The following CNTN3 variants were observed in gnomAD, a reference collection of about 807,000 sequenced individuals.
CNTN3 encodes the protein contactin 3, also known as contactin-3.
In CNTN3, 60 loss-of-function variants were observed where a neutral mutation model predicts 119.1. The observed-to-expected ratio is 0.50, with a 90% CI of 0.41 to 0.62. The LOEUF (loss-of-function observed/expected upper bound fraction) is 0.62, where lower values mean the gene tolerates loss of function less well. Ranked by LOEUF, CNTN3 falls within the 20% of genes least tolerant of loss-of-function variation. CNTN3 has a pLI of 0.00. For synonymous variants in CNTN3, 450 were observed against 438.7 expected, an observed-to-expected ratio of 1.03 and a Z score of -0.32; for missense variants, 1,101 against 1,242.4, an observed-to-expected ratio of 0.89 and a Z score of 1.71.
intron 8 of CNTN3, among the ~76,000 whole-genome samples, chr3:74,368,627 A>G (rs151080836): frequency 1.4e-3 from 219 of 152,238 alleles, no homozygotes; most frequent in African/African-American, 5.0e-3. Context: ...TGACATTATT[A>G]TTCCTTCCTT....
At position 74,487,897 on chromosome 3, in the gene CNTN3, G is replaced by T. The variant is rs537732062; in HGVS notation, c.183-1266C>A. Among the ~76,000 whole-genome samples the T allele has an allele frequency of 2.0e-5, 3 of 151,646 alleles. No homozygotes were observed. The East Asian group carries it at 5.8e-4, about 29-fold the overall frequency. On this transcript the variant is annotated intron_variant, in intron 3 of 22. Coordinates refer to ENST00000263665, the MANE Select transcript of CNTN3 (RefSeq NM_020872.3). The stretch of plus-strand genomic sequence containing the variant: ...TTCAGTTAGATACCATTTATGTGAA[G>T]TTTTAAAATACAGTTGACGTTTATA...
chr3:74,369,435 A>G, intron 7 of CNTN3, 62 bp from the exon 8 acceptor site: 1 of 1,362,344 alleles, frequency 7.3e-7, no homozygotes, highest in Non-Finnish European at 9.9e-7. Flanking sequence ...TTGAGAAAAT[A>G]AAGCTTTTAA....
At chr3:74,472,245 C>T (rs1303616706) in intron 4 of CNTN3, among the ~76,000 whole-genome samples, 3 of 152,140 alleles carry the variant, frequency 2.0e-5, no homozygotes, top group African/African-American at 7.2e-5. Flanking sequence ...GGAAACTCAT[C>T]TCAATATGCT....
At chr3:74,339,354 G>A (rs567195940) in intron 11 of CNTN3, among the ~76,000 whole-genome samples, 1 of 152,118 alleles carries the variant, frequency 6.6e-6, no homozygotes, top group African/African-American at 2.4e-5. Context: ...TCTTTTCCTT[G>A]CTTGCTTTTC....
At chr3:74,306,347 C>T (rs2106827716) in intron 13 of CNTN3, among the ~76,000 whole-genome samples, 1 of 151,966 alleles carries the variant, frequency 6.6e-6, no homozygotes, top group Non-Finnish European at 1.5e-5. Flanking sequence ...ATTTGCCATT[C>T]TTTAGAGTAT....
rs529238365 is a variant in CNTN3 at position 74,338,314 on chromosome 3, CA to C, written c.1365-1657del. ...TATTGCAAAATTTTTAGGTGTGTTT[CA>C]AAAATGTTACTACAAGGGTTTCTGT... On this transcript the variant is annotated intron_variant, in intron 11 of 22. Transcript: ENST00000263665. Among the ~76,000 whole-genome samples the C allele has an allele frequency of 1.5e-4, 22 of 151,528 alleles. No individual in the cohort carries two copies. In the East Asian group the frequency reaches 3.3e-3, roughly 23 times the overall value.
chr3:74,327,905 C>T (rs1575729224), intron 13 of CNTN3, among the ~76,000 whole-genome samples: 1 of 151,400 alleles, frequency 6.6e-6, no homozygotes, highest in East Asian at 1.9e-4. Flanking sequence ...TCTTTTTTAT[C>T]TCTTATATTC....
chr3:74,595,646 T>G (rs1239976595), intron 1 of CNTN3, among the ~76,000 whole-genome samples: 1 of 152,012 alleles, frequency 6.6e-6, no homozygotes, highest in African/African-American at 2.4e-5. Flanking sequence ...ACAACCCTTC[T>G]TGCTAAAAAC....
chr3:74,523,351 A>G (rs892630981), intron 1 of CNTN3, among the ~76,000 whole-genome samples: 4 of 151,922 alleles, frequency 2.6e-5, no homozygotes, highest in Admixed American at 1.3e-4. Flanking sequence ...TTATCTAATA[A>G]AATACAATGC....
chr3:74,543,516 A>G (rs950257762), intron 1 of CNTN3, among the ~76,000 whole-genome samples: 1 of 152,232 alleles, frequency 6.6e-6, no homozygotes, highest in Admixed American at 6.5e-5. Context: ...GGAAACATTA[A>G]TGAATATAAA....
rs577595615 is a variant in CNTN3 at position 74,512,782 on chromosome 3, A to T, written c.55+8276T>A. Reference sequence around the variant, plus strand: ...AGTAAAATTATTCCTTAATGAAAAAATAGATGTTCACTCAGAAACCCACAC... The same window carrying T: ...AGTAAAATTATTCCTTAATGAAAAATTAGATGTTCACTCAGAAACCCACAC... On this transcript the variant is annotated intron_variant, in intron 2 of 22. Transcript: ENST00000263665. 5.3e-5 allele frequency among the ~76,000 whole-genome samples: 8 copies of T among 152,022 alleles called. No individual in the cohort carries two copies. The South Asian group carries it at 1.5e-3, about 28-fold the overall frequency.
intron 19 of CNTN3, among the ~76,000 whole-genome samples, chr3:74,288,403 C>T (rs1442343547): frequency 6.6e-6 from 1 of 152,050 alleles, no homozygotes; most frequent in East Asian, 1.9e-4. Flanking sequence ...AGGTGATCCA[C>T]CCTCCTCGGC....
At chr3:74,601,967 T>A (rs1000778238) in intron 1 of CNTN3, among the ~76,000 whole-genome samples, 2 of 151,910 alleles carry the variant, frequency 1.3e-5, no homozygotes, top group African/African-American at 2.4e-5. Context: ...TTGAGCAAAG[T>A]AACCATACCA....
rs148337861 is a variant in CNTN3, at chr3:74,536,319, T to C, written c.-80-15127A>G. ...CAGTACCTCAGTACCATACAGATAT[T>C]AACCTTTTCTAATTGTACCCTATAC... On this transcript the variant is annotated intron_variant, in intron 1 of 22. Transcript: ENST00000263665. Among the ~76,000 whole-genome samples, 367 of 152,188 alleles carry C rather than the reference T, an allele frequency of 2.4e-3. 4 individuals are homozygous for C. Among genetic ancestry groups the C allele is most frequent in the African/African-American group, 8.3e-3 (343 of 41,538 alleles).
chr3:74,365,073 T>G (rs1479383380), intron 9 of CNTN3, among the ~76,000 whole-genome samples: 3 of 152,018 alleles, frequency 2.0e-5, no homozygotes, highest in Non-Finnish European at 4.4e-5. Context: ...GTATGAAAGG[T>G]TAGGTATGGA....
At position 74,561,140 on chromosome 3, in the gene CNTN3, C is replaced by T. The variant is rs534923212; in HGVS notation, c.-80-39948G>A. ...TGTATACATATGTAACAAACCTGCA[C>T]ATTGTGCACATGTACCCTAGAACTT... On this transcript the variant is annotated intron_variant, in intron 1 of 22. Coordinates refer to ENST00000263665, the MANE Select transcript of CNTN3 (RefSeq NM_020872.3). Among the ~76,000 whole-genome samples the T allele has an allele frequency of 2.5e-3, 376 of 150,728 alleles. 1 individual carries two copies. The highest frequency in any genetic ancestry group is 2.8e-3 in the Non-Finnish European group (193 of 67,744).
intron 11 of CNTN3, among the ~76,000 whole-genome samples, chr3:74,349,097 A>T (rs1370184040): frequency 6.6e-6 from 1 of 152,094 alleles, no homozygotes; most frequent in East Asian, 1.9e-4. Flanking sequence ...TAAAAAAAAA[A>T]AAAAAGTTTT....
At chr3:74,507,631 T>C (rs1398910027) in intron 2 of CNTN3, among the ~76,000 whole-genome samples, 96 of 95,338 alleles carry the variant, frequency 1.0e-3, no homozygotes, top group Non-Finnish European at 1.6e-3. Flanking sequence ...TCTTTCTTTT[T>C]TTTTTTTTTT....
chr3:74,449,507 A>G (rs1345383673), intron 4 of CNTN3, among the ~76,000 whole-genome samples: 4 of 152,106 alleles, frequency 2.6e-5, no homozygotes, highest in African/African-American at 4.8e-5. Context: ...TCCAGGCCCC[A>G]GTCCTAAAAA....
Sources: gnomAD v4.1 joint callset for allele counts (sites outside exome capture counted in the v4.1 genomes callset) on GRCh38, gnomAD v4.1.1 for gene constraint, MANE v1.5 for transcripts, NCBI Gene and HGNC (gene_info 2026-07-23, HGNC 2026-07-21) for gene names.